RYR2: variants seen among roughly 807,000 people sequenced by gnomAD.
The protein encoded by RYR2 is cardiac muscle ryanodine receptor-calcium release channel.
A neutral mutation model predicts 601.1 loss-of-function variants in RYR2; 227 were observed. The observed-to-expected ratio is 0.38, with a 90% CI of 0.34 to 0.42. The LOEUF (loss-of-function observed/expected upper bound fraction) is 0.42. RYR2 is among the 10% of genes least tolerant of loss of function. RYR2 has a pLI of 1.00. For missense variants in RYR2, 4,646 were observed against 6,156.5 expected (o/e 0.75, Z 8.21); for synonymous variants, 2,223 against 2,175.1 (o/e 1.02, Z -0.61).
intron 45 of RYR2, 62 bp from the exon 46 acceptor site, chr1:237,638,953 T>G (rs1168700042): frequency 1.2e-5 from 19 of 1,554,590 alleles, no homozygotes; most frequent in Non-Finnish European, 1.6e-5. Context: ...AGTATAACAT[T>G]TATTTGTTCA....
intron 38 of RYR2, among the ~76,000 whole-genome samples, chr1:237,619,753 C>T (rs773379202): frequency 1.3e-5 from 2 of 152,064 alleles, no homozygotes; most frequent in Non-Finnish European, 2.9e-5. Flanking sequence ...ATTTGAGTGA[C>T]AGCAGATTTC....
intron 28 of RYR2, among the ~76,000 whole-genome samples, chr1:237,567,361 T>C (rs1234287477): frequency 7.0e-6 from 1 of 143,232 alleles, no homozygotes; most frequent in East Asian, 2.0e-4. Flanking sequence ...GAGGGATCAC[T>C]TGGGGCTAGG....
intron 1 of RYR2, among the ~76,000 whole-genome samples, chr1:237,234,339 A>G (rs1006866623): frequency 6.6e-6 from 1 of 152,116 alleles, no homozygotes; most frequent in East Asian, 1.9e-4. Context: ...CTACTCCTTT[A>G]TCAACCCTTT....
intron 1 of RYR2, among the ~76,000 whole-genome samples, chr1:237,145,627 G>T (rs1673921999): frequency 6.6e-6 from 1 of 152,126 alleles, no homozygotes; most frequent in Non-Finnish European, 1.5e-5. Flanking sequence ...AGTGTCAGCA[G>T]GCCTTTGTCT....
chr1:237,077,815 G>A (rs1362352282), intron 1 of RYR2, among the ~76,000 whole-genome samples: 16 of 152,214 alleles, frequency 1.1e-4, no homozygotes, highest in African/African-American at 3.9e-4. Context: ...CAAATCAACA[G>A]AATATACATT....
chr1:237,194,676 C>G (rs545418141), intron 1 of RYR2, among the ~76,000 whole-genome samples: 1 of 152,092 alleles, frequency 6.6e-6, no homozygotes, highest in Non-Finnish European at 1.5e-5. Flanking sequence ...TAGGGGAGAG[C>G]GAGTGAGCAG....
chr1:237,515,010 T>A (rs1666276477), intron 24 of RYR2, among the ~76,000 whole-genome samples: 1 of 152,164 alleles, frequency 6.6e-6, no homozygotes, highest in African/African-American at 2.4e-5. Flanking sequence ...TTATTTTGGG[T>A]TGAGGAGCAA....
At chr1:237,282,188 AT>A (rs11413100) in intron 2 of RYR2, among the ~76,000 whole-genome samples, 434 of 145,250 alleles carry the variant, frequency 3.0e-3, no homozygotes, top group African/African-American at 6.7e-3. Context: ...AAGTTGGCGC[AT>A]TTTTTTTTTT....
rs766109127 is a variant in RYR2 at position 237,698,945 on chromosome 1, G to T, written c.9068-20G>T. 1.4e-5 allele frequency: 21 copies of T among 1,481,258 alleles called. No homozygotes were observed. In the African/African-American group the frequency reaches 2.6e-4, roughly 19 times the overall value. The allele number at this position is 1,481,258 out of a possible 1,614,324, so 91.8% of individuals were successfully genotyped here. On this transcript the variant is annotated intron_variant, in intron 63 of 104. Transcript: ENST00000366574. The stretch of plus-strand genomic sequence containing the variant: ...AGAAATTCTCAGGGCAATTTATACA[G>T]CATTTTGTTTCCTCTTTAGGCAATG...
chr1:237,628,342 G>A (rs891605990), intron 41 of RYR2, among the ~76,000 whole-genome samples: 1 of 151,302 alleles, frequency 6.6e-6, no homozygotes, highest in Non-Finnish European at 1.5e-5. Flanking sequence ...TTAGCATTAG[G>A]TATATCTCCT....
chr1:237,468,196 C>A (rs1320132723), intron 16 of RYR2, among the ~76,000 whole-genome samples: 1 of 152,160 alleles, frequency 6.6e-6, no homozygotes. Context: ...ATAGAGACAT[C>A]TTTCTCTCTT....
chr1:237,331,704 C>G (rs769269945), intron 3 of RYR2, among the ~76,000 whole-genome samples: 2 of 149,914 alleles, frequency 1.3e-5, no homozygotes, highest in Non-Finnish European at 3.0e-5. Context: ...TTAGTAGAGA[C>G]GGGGTTTCAC....
chr1:237,585,125 T>C (rs1171363813), intron 29 of RYR2, among the ~76,000 whole-genome samples: 1 of 152,112 alleles, frequency 6.6e-6, no homozygotes, highest in Non-Finnish European at 1.5e-5. Flanking sequence ...TAGCTCAGAG[T>C]TGAGTCGTTG....
chr1:237,509,208 C>G (rs1448275799), intron 23 of RYR2, among the ~76,000 whole-genome samples: 1 of 152,066 alleles, frequency 6.6e-6, no homozygotes, highest in East Asian at 1.9e-4. Context: ...TGTTAGCACC[C>G]GCACCTTTCC....
intron 1 of RYR2, among the ~76,000 whole-genome samples, chr1:237,228,928 T>C (rs1353124242): frequency 1.3e-5 from 2 of 151,994 alleles, no homozygotes; most frequent in African/African-American, 2.4e-5. Flanking sequence ...GGAAGAAAAA[T>C]AGTGACAGCT....
intron 26 of RYR2, among the ~76,000 whole-genome samples, chr1:237,549,789 G>A (rs1041351231): frequency 1.3e-5 from 2 of 151,792 alleles, no homozygotes; most frequent in Admixed American, 1.3e-4. Flanking sequence ...GGAAGTGAAT[G>A]GAAAGAAGTA....
intron 10 of RYR2, among the ~76,000 whole-genome samples, chr1:237,405,594 T>G (rs2149963106): frequency 6.6e-6 from 1 of 152,264 alleles, no homozygotes; most frequent in South Asian, 2.1e-4. Flanking sequence ...GTTTTCCTTC[T>G]TACAGCCCAT....
chr1:237,775,692 T>C (rs1382929234), intron 87 of RYR2, among the ~76,000 whole-genome samples: 1 of 152,206 alleles, frequency 6.6e-6, no homozygotes, highest in Non-Finnish European at 1.5e-5. Flanking sequence ...AAGAGGACGT[T>C]GTATTGTCAA....
At chr1:237,128,149 G>A (rs373516375) in intron 1 of RYR2, among the ~76,000 whole-genome samples, 67 of 148,498 alleles carry the variant, frequency 4.5e-4, no homozygotes, top group East Asian at 2.0e-3. Flanking sequence ...TCGGGAGGCC[G>A]AGGCTGGCGG....
Sources: allele counts gnomAD v4.1 joint callset (sites outside exome capture counted in the v4.1 genomes callset), GRCh38; gene constraint gnomAD v4.1.1; transcripts MANE v1.5; gene names NCBI Gene and HGNC (gene_info 2026-07-23, HGNC 2026-07-21).